Variants in CAPN14 observed in about 807,000 individuals in gnomAD.
CAPN14 encodes the protein calpain 14.
In CAPN14, 94 loss-of-function variants were observed where a neutral mutation model predicts 101.3. The ratio of observed to expected loss-of-function variants is 0.93; its 90% CI spans 0.79 to 1.10. The LOEUF (loss-of-function observed/expected upper bound fraction) is 1.10. CAPN14 is among the 50% of genes least tolerant of loss of function. The pLI, the probability that CAPN14 is intolerant of heterozygous loss-of-function variation, is 0.00. For synonymous variants in CAPN14, 338 were observed against 317.9 expected (o/e 1.06, Z -0.67); for missense variants, 837 against 828.4 (o/e 1.01, Z -0.13).
chr2:31,230,525 A>G lies in CAPN14; in HGVS notation c.-177+3266T>C, dbSNP rs528029887. On this transcript the variant is annotated intron_variant and NMD_transcript_variant, in intron 1 of 21. Coordinates refer to the CAPN14 transcript ENST00000398824. The surrounding 1 kb of genome is among the most constrained non-coding windows in gnomAD (Gnocchi z 4.3). The stretch of plus-strand genomic sequence containing the variant: ...GCTCTACATCCTCACCAACCCTACC[A>G]TCCAACTTTTTATTCTTGCCATTTT... Among the ~76,000 whole-genome samples, 6 of 152,224 alleles carry G rather than the reference A, an allele frequency of 3.9e-5. No homozygotes were observed. Among genetic ancestry groups the G allele is most frequent in the Admixed American group, 3.9e-4 (6 of 15,296 alleles).
At position 31,193,130 on chromosome 2, in the gene CAPN14, C is replaced by T. The variant is rs1681284795; in HGVS notation, c.1114+1G>A. ...AGCCCTGCTCCTGTGCACATGCTCA[C>T]CCTGCAGCAACTGCCTCTGGCCACC... On this transcript the variant is annotated splice_donor_variant, in intron 10 of 21. Transcript: ENST00000403897. LOFTEE classifies it high-confidence loss of function. The T allele has an allele frequency of 6.5e-7, 1 of 1,549,238 alleles. No homozygotes were observed. The highest frequency in any genetic ancestry group is 8.7e-7 in the Non-Finnish European group (1 of 1,146,812).
At chr2:31,223,129 A>G (rs982155157) in intron 2 of CAPN14, among the ~76,000 whole-genome samples, 2 of 152,234 alleles carry the variant, frequency 1.3e-5, no homozygotes, top group African/African-American at 4.8e-5. Context: ...AAGCCACCCA[A>G]TCTACAGCAT....
At chr2:31,212,676 T>C (rs1295667522) in intron 1 of CAPN14, among the ~76,000 whole-genome samples, 1 of 152,234 alleles carries the variant, frequency 6.6e-6, no homozygotes. Context: ...CCATTCAGTG[T>C]CTTGAGTCCC....
intron 18 of CAPN14, 32 bp from the exon 19 acceptor site, chr2:31,177,853 C>T: frequency 1.3e-6 from 2 of 1,502,302 alleles, no homozygotes; most frequent in South Asian, 1.2e-5. Context: ...GTTCAGGAAG[C>T]CAGGCATTTC....
chr2:31,178,829 T>A (rs896889073), intron 17 of CAPN14, among the ~76,000 whole-genome samples: 3 of 152,078 alleles, frequency 2.0e-5, no homozygotes, highest in Non-Finnish European at 4.4e-5. Flanking sequence ...ATGGAGGTGA[T>A]GATGGTGATG....
At chr2:31,210,799 G>A (rs956278809) in intron 1 of CAPN14, among the ~76,000 whole-genome samples, 4 of 152,074 alleles carry the variant, frequency 2.6e-5, no homozygotes, top group African/African-American at 9.7e-5. Context: ...AATATCTAAT[G>A]AACACTTGCC....
At chr2:31,220,476 C>T (rs1007666506), upstream of CAPN14, among the ~76,000 whole-genome samples, 5 of 152,282 alleles carry the variant, frequency 3.3e-5, no homozygotes, top group Admixed American at 3.3e-4. Flanking sequence ...TTCTGGCAGC[C>T]CCACAGACAG....
intron 6 of CAPN14, 61 bp from the exon 7 acceptor site, chr2:31,199,593 G>T (rs552776458): frequency 6.5e-6 from 9 of 1,390,854 alleles, no homozygotes; most frequent in East Asian, 2.5e-5. Flanking sequence ...TCTTTGAGTC[G>T]TGGGAAGGCT....
intron 3 of CAPN14, 109 bp downstream of exon 3, chr2:31,202,961 T>G (rs990846594): frequency 1.1e-5 from 10 of 887,686 alleles, no homozygotes; most frequent in Non-Finnish European, 1.7e-5. Context: ...ATTTTGGGCC[T>G]CTCTCCAGTG....
At chr2:31,191,366 A>T in intron 12 of CAPN14, 33 bp downstream of exon 12, 2 of 1,543,324 alleles carry the variant, frequency 1.3e-6, no homozygotes, top group Non-Finnish European at 8.7e-7. Flanking sequence ...TGTCACCCCA[A>T]ACTAGGGCCA....
At chr2:31,181,362 C>T (rs1290870889) in intron 16 of CAPN14, among the ~76,000 whole-genome samples, 1 of 150,760 alleles carries the variant, frequency 6.6e-6, no homozygotes. Flanking sequence ...GGATTCTTTC[C>T]TCAGGTTTCT....
intron 1 of CAPN14, among the ~76,000 whole-genome samples, chr2:31,228,761 C>A (rs1041587154): frequency 6.6e-6 from 1 of 152,154 alleles, no homozygotes; most frequent in Non-Finnish European, 1.5e-5. Context: ...TCCCTTTAAT[C>A]CTGAAAAAAT....
At chr2:31,210,837 C>A (rs13407254) in intron 1 of CAPN14, among the ~76,000 whole-genome samples, 14 of 152,078 alleles carry the variant, frequency 9.2e-5, no homozygotes, top group Non-Finnish European at 1.6e-4. Context: ...TATACAAGAA[C>A]GTATTTAGTT....
intron 17 of CAPN14, among the ~76,000 whole-genome samples, chr2:31,180,189 T>C (rs201868735): frequency 1.0e-4 from 15 of 150,262 alleles, no homozygotes; most frequent in Middle Eastern, 3.4e-3. Flanking sequence ...TAACTCCCCA[T>C]GTTCCAGGTG....
At chr2:31,183,131 A>G (rs1271309080) in intron 16 of CAPN14, among the ~76,000 whole-genome samples, 2 of 152,034 alleles carry the variant, frequency 1.3e-5, no homozygotes, top group East Asian at 1.9e-4. Flanking sequence ...CTGGCTAGCC[A>G]TATGTAGAAA....
intron 20 of CAPN14, 107 bp downstream of exon 20, chr2:31,176,919 G>C (rs1392182039): frequency 1.2e-5 from 10 of 850,136 alleles, no homozygotes; most frequent in Non-Finnish European, 1.9e-5. Context: ...CTGGTCTGCT[G>C]TTTCTGGGAT....
upstream of CAPN14, among the ~76,000 whole-genome samples, chr2:31,218,611 T>C (rs944537635): frequency 6.6e-6 from 1 of 152,214 alleles, no homozygotes; most frequent in East Asian, 1.9e-4. Flanking sequence ...GCTAAGCACA[T>C]TGCATGCAGA....
chr2:31,224,125 T>C (rs1682948693), intron 2 of CAPN14, among the ~76,000 whole-genome samples: 1 of 152,164 alleles, frequency 6.6e-6, no homozygotes, highest in Admixed American at 6.5e-5. Flanking sequence ...GAGAAGAGAC[T>C]GGGGCAGTGC....
intron 1 of CAPN14, among the ~76,000 whole-genome samples, chr2:31,227,740 C>T (rs191162530): frequency 6.6e-6 from 1 of 152,356 alleles, no homozygotes; most frequent in Admixed American, 6.5e-5. Flanking sequence ...TGAGCTGATG[C>T]ACTTTCGCCT....
Sources: allele counts gnomAD v4.1 joint callset (sites outside exome capture counted in the v4.1 genomes callset), GRCh38; gene constraint gnomAD v4.1.1; non-coding constraint Gnocchi (gnomAD v3.1); transcripts MANE v1.5; gene names NCBI Gene and HGNC (gene_info 2026-07-23, HGNC 2026-07-21).